Variants in ARFGEF3 observed in about 807,000 individuals in gnomAD.
ARFGEF3 encodes ARFGEF family member 3, also known as brefeldin A-inhibited guanine nucleotide-exchange protein 3.
ARFGEF3 carries 96 observed loss-of-function variants against 221.7 expected under a neutral mutation model. That is an observed-to-expected ratio of 0.43 (90% CI 0.37 to 0.51). The LOEUF (loss-of-function observed/expected upper bound fraction) is 0.51, where lower values mean the gene tolerates loss of function less well. Among genes scored for constraint, ARFGEF3 ranks in the 20% least tolerant of loss-of-function variants. The pLI is 0.00. For missense variants in ARFGEF3, 2,410 were observed against 2,789.9 expected (o/e 0.86, Z 3.07); for synonymous variants, 1,145 against 1,126.8 (o/e 1.02, Z -0.32).
chr6:138,269,536 G>A (rs560668974), intron 12 of ARFGEF3, among the ~76,000 whole-genome samples: 7 of 152,288 alleles, frequency 4.6e-5, no homozygotes, highest in African/African-American at 1.2e-4. Context: ...ACGGCCTGGC[G>A]CTGTGGCTCA....
rs375376325 is a variant in ARFGEF3 at position 138,229,749 on chromosome 6, C to T, written c.352-35C>T. 2.0e-6 allele frequency: 3 copies of T among 1,529,412 alleles called. No homozygotes were observed. In the African/African-American group the frequency reaches 4.1e-5, roughly 21 times the overall value. 94.7% of individuals were successfully genotyped at this position (1,529,412 alleles called of 1,614,324 possible). The stretch of plus-strand genomic sequence containing the variant: ...ACAGTGAATTTCCATACTGTTAACC[C>T]CTTGTCTCTTCTTTCATCTCTCACC... On this transcript the variant is annotated intron_variant, in intron 4 of 33. Coordinates refer to ENST00000251691, the MANE Select transcript of ARFGEF3 (RefSeq NM_020340.5).
At chr6:138,307,829 C>G (rs1403060430) in intron 23 of ARFGEF3, among the ~76,000 whole-genome samples, 1 of 152,068 alleles carries the variant, frequency 6.6e-6, no homozygotes, top group Admixed American at 6.5e-5. Context: ...CAGAGGTTCC[C>G]AAGACCACCC....
intron 2 of ARFGEF3, among the ~76,000 whole-genome samples, chr6:138,190,217 A>G (rs1285547035): frequency 6.6e-6 from 1 of 152,160 alleles, no homozygotes; most frequent in African/African-American, 2.4e-5. Flanking sequence ...CAGGATAAAC[A>G]TGTTCCCCCA....
intron 12 of ARFGEF3, among the ~76,000 whole-genome samples, chr6:138,264,311 A>G (rs1778846837): frequency 6.6e-6 from 1 of 152,220 alleles, no homozygotes; most frequent in Non-Finnish European, 1.5e-5. Context: ...TCACATAGTA[A>G]ATAATTATTT....
At chr6:138,301,036 C>A (rs1779620702) in intron 22 of ARFGEF3, among the ~76,000 whole-genome samples, 1 of 152,080 alleles carries the variant, frequency 6.6e-6, no homozygotes, top group Non-Finnish European at 1.5e-5. Flanking sequence ...GTTTAAAAAA[C>A]AAACAATAAA....
At chr6:138,305,043 A>G (rs1474682281) in intron 22 of ARFGEF3, among the ~76,000 whole-genome samples, 1 of 151,738 alleles carries the variant, frequency 6.6e-6, no homozygotes, top group Non-Finnish European at 1.5e-5. Context: ...TTCTTGTTTA[A>G]CAAATTGAAT....
chr6:138,170,763 A>G (rs756106363), intron 2 of ARFGEF3, 50 bp downstream of exon 2: 2 of 1,071,528 alleles, frequency 1.9e-6, no homozygotes, highest in Admixed American at 3.5e-5. Flanking sequence ...TTACCCACTG[A>G]AGGCCCAGAT....
chr6:138,267,728 G>A (rs1180974221), intron 12 of ARFGEF3, among the ~76,000 whole-genome samples: 1 of 152,202 alleles, frequency 6.6e-6, no homozygotes, highest in Non-Finnish European at 1.5e-5. Flanking sequence ...GGGCTTGTGT[G>A]AATTTTTTAT....
At chr6:138,196,833 T>A (rs1418525194) in intron 2 of ARFGEF3, among the ~76,000 whole-genome samples, 1 of 152,136 alleles carries the variant, frequency 6.6e-6, no homozygotes, top group Non-Finnish European at 1.5e-5. Context: ...TTTTTCTTTT[T>A]ATTTATTTAT....
chr6:138,312,952 C>T lies in ARFGEF3; in HGVS notation c.4201-843C>T, dbSNP rs113871270. Among the ~76,000 whole-genome samples, 429 of 152,274 alleles carry T rather than the reference C, an allele frequency of 2.8e-3. 2 individuals are homozygous for T. Among genetic ancestry groups the T allele is most frequent in the African/African-American group, 9.6e-3 (399 of 41,554 alleles). The stretch of plus-strand genomic sequence containing the variant: ...CTTGAACTCCAGATCTCAAGTGATC[C>T]GCCAGCCTCGGCCTCCCAAAGTGCT... On this transcript the variant is annotated intron_variant, in intron 25 of 33. Transcript: ENST00000251691.
At chr6:138,232,781 A>AT (rs1778217460) in intron 5 of ARFGEF3, among the ~76,000 whole-genome samples, 2 of 152,184 alleles carry the variant, frequency 1.3e-5, no homozygotes, top group African/African-American at 4.8e-5. Flanking sequence ...AATAAGTGGC[A>AT]TTTTACATGT....
chr6:138,280,160 G>T lies in ARFGEF3; in HGVS notation c.2457G>T (p.Leu819=). ...EDNSLPLITM[L]TDIDGLESSA... is the part of the protein sequence containing the mutation. ...ACAGCCTTCCCCTCATCACAATGCT[G>T]ACCGGTCAGTGGTTCGTTGCAAGGC... The change falls in exon 14 of 34, where the codon CTG becomes CTT. Residue 819 remains leucine (L), a synonymous_variant. Transcript: ENST00000251691. The T allele has an allele frequency of 1.9e-6, 3 of 1,613,562 alleles. No individual in the cohort carries two copies. The South Asian group carries it at 3.3e-5, about 18-fold the overall frequency.
intron 29 of ARFGEF3, 67 bp downstream of exon 29, chr6:138,321,292 A>G (rs1047636306): frequency 3.2e-6 from 3 of 946,930 alleles, no homozygotes; most frequent in African/African-American, 3.4e-5. Context: ...AAGAAATTAA[A>G]TTGTCTTTGT....
chr6:138,165,237 G>T (rs1309447124), intron 1 of ARFGEF3, among the ~76,000 whole-genome samples: 1 of 151,844 alleles, frequency 6.6e-6, no homozygotes, highest in Admixed American at 6.5e-5. Flanking sequence ...GACCCTCATG[G>T]GAGAGAGGGG....
chr6:138,219,441 C>G (rs945782570), intron 4 of ARFGEF3, among the ~76,000 whole-genome samples: 1 of 152,112 alleles, frequency 6.6e-6, no homozygotes, highest in Admixed American at 6.5e-5. Flanking sequence ...CAGGATGATT[C>G]AGGAATCAGC....
At chr6:138,233,382 TG>T (rs1562362384) in intron 5 of ARFGEF3, among the ~76,000 whole-genome samples, 1 of 150,528 alleles carries the variant, frequency 6.6e-6, no homozygotes, top group South Asian at 2.1e-4. Flanking sequence ...GATACTTTTT[TG>T]GGGGGTGGGG....
intron 2 of ARFGEF3, among the ~76,000 whole-genome samples, chr6:138,190,674 T>C (rs1777286824): frequency 6.6e-6 from 1 of 152,180 alleles, no homozygotes; most frequent in Admixed American, 6.5e-5. Context: ...ATTTTATAGC[T>C]GAGTGTGCGA....
chr6:138,299,390 A>G (rs1234908886), intron 22 of ARFGEF3, among the ~76,000 whole-genome samples: 1 of 152,086 alleles, frequency 6.6e-6, no homozygotes, highest in East Asian at 1.9e-4. Flanking sequence ...CTGCTGGCCT[A>G]TCTCTTTATA....
At position 138,245,570 on chromosome 6, in the gene ARFGEF3, A is replaced by C; in HGVS notation, c.644A>C (p.Glu215Ala). The part of the protein sequence containing the change: ...DVVSVLTVLC[E>A]KLQAAINDSQ... ...GTCTCTGTACTCACCGTCCTGTGTGAGAAGCTGCAAGCCGCCATAAAGTAA... is the reference window on the plus strand; with the variant it reads ...GTCTCTGTACTCACCGTCCTGTGTGCGAAGCTGCAAGCCGCCATAAAGTAA... Residue 215 changes from glutamate to alanine, a missense_variant, in exon 8 of 34, where the codon GAG becomes GCG. This residue lies in a region of ARFGEF3 where 570 missense variants were observed against 586.9 expected (regional missense o/e 0.97). Transcript: ENST00000251691. The C allele has an allele frequency of 6.2e-7, 1 of 1,608,724 alleles. No individual in the cohort carries two copies. Among genetic ancestry groups the C allele is most frequent in the Non-Finnish European group, 8.5e-7 (1 of 1,177,870 alleles).
Sources: allele counts gnomAD v4.1 joint callset (sites outside exome capture counted in the v4.1 genomes callset), GRCh38; gene constraint gnomAD v4.1.1; regional missense constraint gnomAD v4.1.1; transcripts MANE v1.5; gene names NCBI Gene and HGNC (gene_info 2026-07-23, HGNC 2026-07-21).